The following CABP4 variants were observed in gnomAD, a reference collection of about 807,000 sequenced individuals.
CABP4 encodes the protein calcium-binding protein 4.
CABP4 carries 30 observed loss-of-function variants against 30.7 expected under a neutral mutation model. That is an observed-to-expected ratio of 0.98 (90% CI 0.73 to 1.33). The LOEUF is 1.33. Among genes scored for constraint, CABP4 ranks in the 40% most tolerant of loss-of-function variants. The pLI is 0.00. For synonymous variants in CABP4, 161 were observed against 159.2 expected (o/e 1.01, Z -0.08); for missense variants, 424 against 395.5 (o/e 1.07, Z -0.61).
rs1001605836 is a variant in CABP4 at position 67,460,853 on chromosome 11, C to T, written c.*2194C>T. Among the ~76,000 whole-genome samples the T allele has an allele frequency of 4.6e-5, 7 of 152,104 alleles. No homozygotes were observed. The highest frequency in any genetic ancestry group is 2.1e-4 in the South Asian group (1 of 4,816). On this transcript the variant is annotated 3_prime_UTR_variant, in exon 6 of 6. Coordinates refer to ENST00000325656, the MANE Select transcript of CABP4 (RefSeq NM_145200.5). Reference sequence around the variant, plus strand: ...AAAAAAAATTAGCTGGGCGTGGTGGCGGGCGCCTGTAGTCCCAGCTACTAG... The same window carrying T: ...AAAAAAAATTAGCTGGGCGTGGTGGTGGGCGCCTGTAGTCCCAGCTACTAG...
In CABP4 at chr11:67,455,563, G is replaced by A. The variant is rs1325053971; in HGVS notation, c.140G>A (p.Gly47Glu). The change falls in exon 1 of 6, where the codon GGG becomes GAG. Residue 47 changes from glycine (G) to glutamate (E), a missense_variant. Physicochemically the swap from Gly to Glu is moderately conservative, Grantham distance 98. Transcript: ENST00000325656. Reference protein sequence around the residue: ...LTRKRSKKERGLRGSRKRTGS... With the variant: ...LTRKRSKKERELRGSRKRTGS... ...AGGAAGAGGAGCAAGAAGGAGAGGG[G>A]GCTCCGAGGGTCTCGAAAGCGCACT... is the stretch of plus-strand genomic sequence containing the variant. 6.2e-7 allele frequency: 1 copy of A among 1,602,248 alleles called. No individual in the cohort carries two copies. The highest frequency in any genetic ancestry group is 1.7e-5 in the Admixed American group (1 of 57,704).
rs568970047 is a variant in CABP4, at chr11:67,456,365, G to T, written c.464G>T (p.Gly155Val). 9.3e-6 allele frequency: 15 copies of T among 1,613,652 alleles called. No homozygotes were observed. In the Admixed American group the frequency reaches 2.5e-4, roughly 27 times the overall value. ...GGCTACATCAGCCACCGGGAGCTGG[G>T]TGACTGCATGCGGACCCTGGGCTAC... is the stretch of plus-strand genomic sequence containing the variant. ...RDGYISHREL[G>V]DCMRTLGYMP... Residue 155 changes from glycine (G) to valine (V), a missense_variant, in exon 3 of 6, where the codon GGT becomes GTT. Transcript: ENST00000325656.
At chr11:67,454,895 T>C (rs1590997883), upstream of CABP4, among the ~76,000 whole-genome samples, 1 of 152,200 alleles carries the variant, frequency 6.6e-6, no homozygotes, top group Non-Finnish European at 1.5e-5. Context: ...CCCTCTGCTC[T>C]GGCCAGGATG....
In CABP4 at chr11:67,456,193, C is replaced by A. The variant is rs199875527; in HGVS notation, c.372C>A (p.Arg124=). Residue 124 remains arginine, a synonymous_variant, in exon 2 of 6, where the codon CGC becomes CGA. Transcript: ENST00000325656. ...CCTGGACTCTCCCCCTGCAGGACCGCGAACTGGGCCCCGAGGAGCTAGACG... is the reference window on the plus strand; with the variant it reads ...CCTGGACTCTCCCCCTGCAGGACCGAGAACTGGGCCCCGAGGAGCTAGACG... ...PLLNRVFGKD[R]ELGPEELDEL... The A allele has an allele frequency of 6.2e-7, 1 of 1,613,192 alleles. No individual in the cohort carries two copies. The highest frequency in any genetic ancestry group is 1.1e-5 in the South Asian group (1 of 91,078).
upstream of CABP4, chr11:67,455,260 TG>T: frequency 1.1e-6 from 1 of 949,894 alleles, no homozygotes; most frequent in Non-Finnish European, 1.5e-6. Flanking sequence ...GGCAGAGGAC[TG>T]GGATTAGGGC....
chr11:67,457,710 G>C (rs201059902), intron 4 of CABP4, 28 bp downstream of exon 4: 3 of 1,538,976 alleles, frequency 1.9e-6, no homozygotes, highest in East Asian at 4.8e-5. Context: ...GTGGGCAGAG[G>C]GGGGCAGGGC....
rs750245324 is a variant in CABP4 at position 67,456,185 on chromosome 11, C to T, written c.367-3C>T. 8.1e-6 allele frequency: 13 copies of T among 1,613,118 alleles called. No individual in the cohort carries two copies. Among genetic ancestry groups the T allele is most frequent in the African/African-American group, 5.3e-5 (4 of 74,882 alleles). On this transcript the variant is annotated splice_region_variant and splice_polypyrimidine_tract_variant and intron_variant, in intron 1 of 5. Coordinates refer to ENST00000325656, the MANE Select transcript of CABP4 (RefSeq NM_145200.5). ...GGGGACATCCTGGACTCTCCCCCTG[C>T]AGGACCGCGAACTGGGCCCCGAGGA...
rs1187454980 is a variant in CABP4 at position 67,459,768 on chromosome 11, T to A, written c.*1109T>A. 1 of 152,150 alleles carries A rather than the reference T, an allele frequency of 6.6e-6. No homozygotes were observed. The highest frequency in any genetic ancestry group is 1.5e-5 in the Non-Finnish European group (1 of 68,038). The allele number at this position is 152,150 out of a possible 1,614,324, so 9.4% of individuals were successfully genotyped here. A position where few individuals can be genotyped will look rare whatever the true frequency, so the allele number is the denominator to read the frequency against. On this transcript the variant is annotated 3_prime_UTR_variant, in exon 6 of 6. Transcript: ENST00000325656. ...GAGTTTGAGGCCAGCCTGACCAACATGGTGAAACCCCATCTCTACTAAAAA... is the reference window on the plus strand; with the variant it reads ...GAGTTTGAGGCCAGCCTGACCAACAAGGTGAAACCCCATCTCTACTAAAAA...
intron 3 of CABP4, 28 bp downstream of exon 3, chr11:67,456,470 C>T: frequency 6.2e-7 from 1 of 1,604,618 alleles, no homozygotes; most frequent in Non-Finnish European, 8.5e-7. Flanking sequence ...CCCGCCCGGG[C>T]AGCCTGCGTA....
upstream of CABP4, among the ~76,000 whole-genome samples, chr11:67,454,597 G>A (rs983155639): frequency 1.3e-5 from 2 of 152,202 alleles, no homozygotes; most frequent in Admixed American, 1.3e-4. Flanking sequence ...TGTGGCACCC[G>A]GCAGCGCTAA....
Position 67,461,108 on chromosome 11 carries a change from C to T in CABP4, c.*2449C>T, listed in dbSNP as rs1864999655. Among the ~76,000 whole-genome samples the T allele has an allele frequency of 6.6e-6, 1 of 151,780 alleles. No individual in the cohort carries two copies. The highest frequency in any genetic ancestry group is 1.5e-5 in the Non-Finnish European group (1 of 67,994). ...GGCCAGGAGTTTGAGACCAGCCTAA[C>T]AGCAAGACCCTGCCTCTTAAAAAAA... On this transcript the variant is annotated 3_prime_UTR_variant, in exon 6 of 6. Transcript: ENST00000325656.
At position 67,461,730 on chromosome 11, in the gene CABP4, T is replaced by A. The variant is rs1301671759; in HGVS notation, c.*3071T>A. ...ATGAGTGTGGCTATATCAGAAATTT[T>A]AATAAATAACAGTAAAACTTCATTT... On this transcript the variant is annotated 3_prime_UTR_variant, in exon 6 of 6. Coordinates refer to ENST00000325656, the MANE Select transcript of CABP4 (RefSeq NM_145200.5). The A allele has an allele frequency of 1.3e-5, 2 of 152,258 alleles. No individual in the cohort carries two copies. The highest frequency in any genetic ancestry group is 2.9e-5 in the Non-Finnish European group (2 of 68,050). The allele number at this position is 152,258 out of a possible 1,614,324, so 9.4% of individuals were successfully genotyped here.
chr11:67,456,456 C>G lies in CABP4; in HGVS notation c.541+14C>G. The G allele has an allele frequency of 6.3e-7, 1 of 1,599,142 alleles. No individual in the cohort carries two copies. ...TCAAGATGCGCAGTCAGTCAGGGAG[C>G]CCGCCCGCCCGGGCAGCCTGCGTAG... On this transcript the variant is annotated intron_variant, in intron 3 of 5. Transcript: ENST00000325656.
At position 67,458,556 on chromosome 11, in the gene CABP4, G is replaced by A. The variant is rs200827857; in HGVS notation, c.799+38G>A. On this transcript the variant is annotated intron_variant, in intron 5 of 5. Coordinates refer to ENST00000325656, the MANE Select transcript of CABP4 (RefSeq NM_145200.5). Reference sequence around the variant, plus strand: ...CCCGGAAAACCCTCCCGTGCTTCCAGGGCCTAGGCTGAGCCCAGCACCTCC... The same window carrying A: ...CCCGGAAAACCCTCCCGTGCTTCCAAGGCCTAGGCTGAGCCCAGCACCTCC... 35 of 1,614,164 alleles carry A rather than the reference G, an allele frequency of 2.2e-5. No homozygotes were observed. In the African/African-American group the frequency reaches 4.7e-4, roughly 22 times the overall value.
In CABP4 at chr11:67,455,707, A is replaced by G. The variant is rs746914069; in HGVS notation, c.284A>G (p.Gln95Arg). Reference sequence around the variant, plus strand: ...TCCCCTGGGCCGGCCTCTTCTCGCCAGTCCCACCGACATCGTCCTGACTCC... The same window carrying G: ...TCCCCTGGGCCGGCCTCTTCTCGCCGGTCCCACCGACATCGTCCTGACTCC... ...PASPGPASSR[Q>R]SHRHRPDSLH... Residue 95 changes from glutamine to arginine, a missense_variant, in exon 1 of 6, where the codon CAG becomes CGG. By Grantham distance (43) the Gln-to-Arg change is conservative. Transcript: ENST00000325656. The G allele has an allele frequency of 4.4e-6, 7 of 1,608,150 alleles. No individual in the cohort carries two copies. The highest frequency in any genetic ancestry group is 1.1e-5 in the South Asian group (1 of 90,302).
In CABP4 at chr11:67,456,173, A is replaced by G. The variant is rs1864781902; in HGVS notation, c.367-15A>G. 1.9e-6 allele frequency: 3 copies of G among 1,611,276 alleles called. No homozygotes were observed. The highest frequency in any genetic ancestry group is 2.2e-5 in the East Asian group (1 of 44,714). ...GTGGCTGGCCCTGGGGACATCCTGG[A>G]CTCTCCCCCTGCAGGACCGCGAACT... On this transcript the variant is annotated splice_polypyrimidine_tract_variant and intron_variant, in intron 1 of 5. Transcript: ENST00000325656.
chr11:67,453,028 T>TC (rs1161019823), upstream of CABP4: 1 of 296,016 alleles, frequency 3.4e-6, no homozygotes, highest in Non-Finnish European at 6.3e-6. Context: ...TTTTTTTTTT[T>TC]TTGAGAGACA....
chr11:67,461,164 T>G lies in CABP4; in HGVS notation c.*2505T>G, dbSNP rs1865001695. Among the ~76,000 whole-genome samples, 1 of 152,064 alleles carries G rather than the reference T, an allele frequency of 6.6e-6. No individual in the cohort carries two copies. The highest frequency in any genetic ancestry group is 1.5e-5 in the Non-Finnish European group (1 of 68,024). ...AAAAAAATAAGCTGGGTGTAGTGGC[T>G]CATGCTTGTAGTTCCAGCTATTCAG... On this transcript the variant is annotated 3_prime_UTR_variant, in exon 6 of 6. Transcript: ENST00000325656.
chr11:67,457,976 T>A (rs960694795), intron 4 of CABP4, among the ~76,000 whole-genome samples: 1 of 152,144 alleles, frequency 6.6e-6, no homozygotes, highest in African/African-American at 2.4e-5. Flanking sequence ...TGGAACTGGC[T>A]GGCCAGGCGC....
Sources: allele counts gnomAD v4.1 joint callset (sites outside exome capture counted in the v4.1 genomes callset), GRCh38; gene constraint gnomAD v4.1.1; transcripts MANE v1.5; gene names NCBI Gene and HGNC (gene_info 2026-07-23, HGNC 2026-07-21).